NFIB: variants seen among roughly 807,000 people sequenced by gnomAD.
The protein encoded by NFIB is nuclear factor 1 B-type.
Under a neutral mutation model 61.5 loss-of-function variants are expected in NFIB, and 11 were observed. That is an observed-to-expected ratio of 0.18 (90% CI 0.11 to 0.30). The LOEUF is 0.30. Among genes scored for constraint, NFIB ranks in the 10% least tolerant of loss-of-function variants. The pLI is 1.00. For missense variants in NFIB, 471 were observed against 608.9 expected (o/e 0.77, Z 2.38); for synonymous variants, 260 against 216.5 (o/e 1.20, Z -1.76).
At chr9:14,331,451 T>A (rs1347884693) in intron 1 of NFIB, among the ~76,000 whole-genome samples, 1 of 152,210 alleles carries the variant, frequency 6.6e-6, no homozygotes, top group Admixed American at 6.5e-5. Context: ...GGCACATTCT[T>A]CTAAATATTA....
the NFIB span, among the ~76,000 whole-genome samples, chr9:14,446,969 A>C: frequency 6.6e-6 from 1 of 152,172 alleles, no homozygotes; most frequent in Non-Finnish European, 1.5e-5. Flanking sequence ...ATACCTTAGT[A>C]GTCATCTCTA....
At chr9:14,471,974 C>T in the NFIB span, among the ~76,000 whole-genome samples, 1 of 152,314 alleles carries the variant, frequency 6.6e-6, no homozygotes, top group East Asian at 1.9e-4. Flanking sequence ...CATCTCCGAC[C>T]TGCAGGTTAT....
chr9:14,300,260 G>C (rs1160232537), intron 2 of NFIB: 1 of 398,356 alleles, frequency 2.5e-6, no homozygotes. Context: ...GGGGCATGCA[G>C]CCGTAATAAC....
At chr9:14,107,842 T>C (rs1162482283) in intron 10 of NFIB, among the ~76,000 whole-genome samples, 2 of 152,176 alleles carry the variant, frequency 1.3e-5, no homozygotes, top group East Asian at 3.8e-4. Flanking sequence ...AACTGAGATC[T>C]AAGTTAATAT....
chr9:14,151,242 C>G (rs987837463), intron 4 of NFIB, among the ~76,000 whole-genome samples: 19 of 152,228 alleles, frequency 1.2e-4, no homozygotes, highest in African/African-American at 4.6e-4. Flanking sequence ...TTGCTTTCTC[C>G]TCCAAACTTC....
chr9:14,468,494 G>C, the NFIB span, among the ~76,000 whole-genome samples: 1 of 152,324 alleles, frequency 6.6e-6, no homozygotes, highest in African/African-American at 2.4e-5. Flanking sequence ...GGGTAGAGGG[G>C]TGAGAGTGGG....
At chr9:14,426,919 G>A in the NFIB span, among the ~76,000 whole-genome samples, 1 of 152,126 alleles carries the variant, frequency 6.6e-6, no homozygotes, top group African/African-American at 2.4e-5. Context: ...AGATCCAGCA[G>A]AAATATGAAG....
chr9:14,419,118 A>C, the NFIB span, among the ~76,000 whole-genome samples: 1 of 151,866 alleles, frequency 6.6e-6, no homozygotes, highest in African/African-American at 2.4e-5. Flanking sequence ...AACTGGGCAA[A>C]AAAATAGAGG....
chr9:14,375,317 A>C (rs912731372), intron 1 of NFIB, among the ~76,000 whole-genome samples: 12 of 151,970 alleles, frequency 7.9e-5, no homozygotes, highest in African/African-American at 2.9e-4. Flanking sequence ...CAAAATGAGA[A>C]CCCCTCCTAG....
At chr9:14,459,217 T>A in the NFIB span, among the ~76,000 whole-genome samples, 1 of 152,036 alleles carries the variant, frequency 6.6e-6, no homozygotes, top group Non-Finnish European at 1.5e-5. Flanking sequence ...ATGCTGCATA[T>A]CTACAACTAT....
intron 2 of NFIB, among the ~76,000 whole-genome samples, chr9:14,257,163 G>C (rs191472117): frequency 1.3e-5 from 2 of 152,298 alleles, no homozygotes; most frequent in Admixed American, 1.3e-4. Flanking sequence ...GGTTAACACA[G>C]AGGCTCAGGT....
intron 2 of NFIB, among the ~76,000 whole-genome samples, chr9:14,210,205 T>C (rs1408770729): frequency 1.3e-5 from 2 of 152,154 alleles, no homozygotes; most frequent in Non-Finnish European, 2.9e-5. Context: ...GCTTCCTTTT[T>C]AGAATGAAAA....
At chr9:14,473,819 T>G in the NFIB span, among the ~76,000 whole-genome samples, 5 of 152,218 alleles carry the variant, frequency 3.3e-5, no homozygotes, top group Non-Finnish European at 4.4e-5. Context: ...GCTGAAAAAC[T>G]CATAGATTTG....
At chr9:14,127,112 T>C (rs569170041) in intron 6 of NFIB, among the ~76,000 whole-genome samples, 11 of 152,300 alleles carry the variant, frequency 7.2e-5, no homozygotes, top group African/African-American at 1.7e-4. Context: ...AGAATCATGA[T>C]AGAACTAATG....
At chr9:14,290,100 A>C (rs1264901359) in intron 2 of NFIB, among the ~76,000 whole-genome samples, 2 of 152,092 alleles carry the variant, frequency 1.3e-5, no homozygotes, top group Non-Finnish European at 2.9e-5. Flanking sequence ...TTGTACCAGG[A>C]AATTTATACA....
At chr9:14,516,520 C>T in the NFIB span, among the ~76,000 whole-genome samples, 1 of 152,178 alleles carries the variant, frequency 6.6e-6, no homozygotes, top group Non-Finnish European at 1.5e-5. Context: ...CTATCTTTTA[C>T]ACATTTAAGC....
At chr9:14,423,161 A>G in the NFIB span, among the ~76,000 whole-genome samples, 1 of 152,200 alleles carries the variant, frequency 6.6e-6, no homozygotes, top group Non-Finnish European at 1.5e-5. Flanking sequence ...TAATACATAC[A>G]TCATGTTTTA....
intron 2 of NFIB, among the ~76,000 whole-genome samples, chr9:14,219,404 A>AAAAAAAAAAT (rs56366334): frequency 6.7e-6 from 1 of 149,876 alleles, no homozygotes; most frequent in African/African-American, 2.4e-5. Flanking sequence ...AAAAAAAAAA[A>AAAAAAAAAAT]GTCTAAGTTG....
At chr9:14,178,661 T>G (rs1315789195) in intron 3 of NFIB, among the ~76,000 whole-genome samples, 1 of 152,182 alleles carries the variant, frequency 6.6e-6, no homozygotes, top group Non-Finnish European at 1.5e-5. Flanking sequence ...ATAGTCTGTT[T>G]TGATTTTGCA....
Sources: gnomAD v4.1 joint callset for allele counts (sites outside exome capture counted in the v4.1 genomes callset) on GRCh38, gnomAD v4.1.1 for gene constraint, MANE v1.5 for transcripts, NCBI Gene and HGNC (gene_info 2026-07-23, HGNC 2026-07-21) for gene names.